Variants in TNR observed in about 807,000 individuals in gnomAD.
TNR encodes the protein tenascin R.
Under a neutral mutation model 150.4 loss-of-function variants are expected in TNR, and 45 were observed. The ratio of observed to expected loss-of-function variants is 0.30; its 90% CI spans 0.24 to 0.38. The LOEUF (loss-of-function observed/expected upper bound fraction) is 0.38, where lower values mean the gene tolerates loss of function less well. Ranked by LOEUF, TNR falls within the 10% of genes least tolerant of loss-of-function variation. The probability of loss-of-function intolerance (pLI) is 1.00; values close to 1 mark genes in which losing one functional copy is unlikely to be tolerated. For missense variants in TNR, 1,544 were observed against 1,759.1 expected (o/e 0.88, Z 2.19); for synonymous variants, 687 against 678.4 (o/e 1.01, Z -0.20).
chr1:175,709,767 G>A (rs927399795), intron 1 of TNR, among the ~76,000 whole-genome samples: 9 of 152,018 alleles, frequency 5.9e-5, no homozygotes, highest in Non-Finnish European at 1.2e-4. Flanking sequence ...CCTCTTCGCA[G>A]CATTTGATCC....
chr1:175,395,553 C>T (rs1653388290), intron 5 of TNR, among the ~76,000 whole-genome samples: 1 of 152,038 alleles, frequency 6.6e-6, no homozygotes, highest in African/African-American at 2.4e-5. Context: ...TAATCAGATA[C>T]AGCCCCTTTT....
At chr1:175,470,935 C>A (rs1259263802) in intron 2 of TNR, among the ~76,000 whole-genome samples, 1 of 152,148 alleles carries the variant, frequency 6.6e-6, no homozygotes, top group East Asian at 1.9e-4. Context: ...AGGTTAATGC[C>A]ACCAAATGTA....
intron 2 of TNR, among the ~76,000 whole-genome samples, chr1:175,445,000 G>A (rs1008764019): frequency 2.0e-5 from 3 of 152,184 alleles, no homozygotes; most frequent in Non-Finnish European, 4.4e-5. Context: ...GCCGGGCGCG[G>A]TGGCTCACAC....
At chr1:175,726,052 T>C (rs569612200) in intron 1 of TNR, among the ~76,000 whole-genome samples, 1 of 152,350 alleles carries the variant, frequency 6.6e-6, no homozygotes, top group South Asian at 2.1e-4. Flanking sequence ...TTCCAGCACG[T>C]CTTTCATAGA....
At chr1:175,650,791 C>CACTAATAA (rs1364621741) in intron 1 of TNR, among the ~76,000 whole-genome samples, 2 of 49,696 alleles carry the variant, frequency 4.0e-5, no homozygotes, top group Non-Finnish European at 8.1e-5. Context: ...TACTCCTCCT[C>CACTAATAA]CCCCATCTCA....
intron 2 of TNR, among the ~76,000 whole-genome samples, chr1:175,493,506 C>T (rs180955130): frequency 2.6e-5 from 4 of 152,232 alleles, no homozygotes; most frequent in African/African-American, 9.6e-5. Flanking sequence ...CTCCGCCCCA[C>T]GCTCACCAGG....
intron 8 of TNR, among the ~76,000 whole-genome samples, chr1:175,383,386 A>T (rs1345645703): frequency 1.3e-5 from 2 of 152,216 alleles, no homozygotes; most frequent in East Asian, 3.9e-4. Context: ...TGCTTGGAAC[A>T]TTGAGGGATC....
intron 1 of TNR, among the ~76,000 whole-genome samples, chr1:175,709,571 G>C (rs905924715): frequency 6.6e-6 from 1 of 152,154 alleles, no homozygotes; most frequent in Non-Finnish European, 1.5e-5. Flanking sequence ...AAACAGAAAA[G>C]TTTGGATCTT....
intron 2 of TNR, among the ~76,000 whole-genome samples, chr1:175,516,844 G>C (rs1557981286): frequency 6.6e-6 from 1 of 152,112 alleles, no homozygotes; most frequent in Non-Finnish European, 1.5e-5. Flanking sequence ...AATTATGCCT[G>C]TTTTCTTTGT....
In TNR at chr1:175,335,424, G is replaced by A. The variant is rs80179780; in HGVS notation, c.3631+287C>T. 8.6e-3 allele frequency: 2,553 copies of A among 296,012 alleles called. 20 individuals are homozygous for A. The highest frequency in any genetic ancestry group is 0.026 in the African/African-American group (1,199 of 46,172). The allele number at this position is 296,012 out of a possible 1,614,324, so 18.3% of individuals were successfully genotyped here. A position where few individuals can be genotyped will look rare whatever the true frequency, so the allele number is the denominator to read the frequency against. On this transcript the variant is annotated intron_variant, in intron 20 of 22. Coordinates refer to ENST00000367674, the MANE Select transcript of TNR (RefSeq NM_003285.3). ...CCTGTTGCTCCCTGTGCCCCTCACC[G>A]ACCAGGCAGCTCACTCCCTTTGTGG...
At chr1:175,357,466 G>T (rs543889229) in intron 15 of TNR, among the ~76,000 whole-genome samples, 1 of 152,298 alleles carries the variant, frequency 6.6e-6, no homozygotes, top group East Asian at 1.9e-4. Context: ...TCAAACTAAT[G>T]CTTAAGCTTT....
chr1:175,444,461 G>A (rs1655942647), intron 2 of TNR, among the ~76,000 whole-genome samples: 1 of 152,194 alleles, frequency 6.6e-6, no homozygotes, highest in African/African-American at 2.4e-5. Context: ...CCACCACTGG[G>A]TTCCTTACTC....
intron 2 of TNR, among the ~76,000 whole-genome samples, chr1:175,501,913 G>C (rs1658753996): frequency 6.6e-6 from 1 of 152,198 alleles, no homozygotes; most frequent in Non-Finnish European, 1.5e-5. Flanking sequence ...AGTCTGGTGT[G>C]GGTACAGACA....
At chr1:175,611,029 C>T (rs1479736659) in intron 1 of TNR, among the ~76,000 whole-genome samples, 1 of 152,222 alleles carries the variant, frequency 6.6e-6, no homozygotes, top group Non-Finnish European at 1.5e-5. Context: ...TGTTGCCTAC[C>T]TTCTACTTTA....
intron 1 of TNR, among the ~76,000 whole-genome samples, chr1:175,639,081 A>G (rs1664572812): frequency 6.6e-6 from 1 of 152,180 alleles, no homozygotes; most frequent in Admixed American, 6.5e-5. Flanking sequence ...CCCTGCTCCA[A>G]GTAACCAGCA....
At chr1:175,587,686 C>T (rs1662628865) in intron 1 of TNR, among the ~76,000 whole-genome samples, 1 of 152,166 alleles carries the variant, frequency 6.6e-6, no homozygotes. Context: ...AAATCAGAGC[C>T]TAGACCCTAC....
chr1:175,730,342 C>T (rs1035789987), intron 1 of TNR, among the ~76,000 whole-genome samples: 1 of 152,150 alleles, frequency 6.6e-6, no homozygotes, highest in Non-Finnish European at 1.5e-5. Flanking sequence ...ATGAGTCACC[C>T]TTCCCTTGAC....
At position 175,682,374 on chromosome 1, in the gene TNR, C is replaced by T. The variant is rs186316264; in HGVS notation, c.-165+60852G>A. Among the ~76,000 whole-genome samples, 679 of 152,268 alleles carry T rather than the reference C, an allele frequency of 4.5e-3. 4 individuals are homozygous for T. The highest frequency in any genetic ancestry group is 7.5e-3 in the Non-Finnish European group (513 of 68,020). On this transcript the variant is annotated intron_variant, in intron 1 of 22. Coordinates refer to ENST00000367674, the MANE Select transcript of TNR (RefSeq NM_003285.3). ...ACGATTCTTGTGTTCTAGGCAGAGA[C>T]GCCGCTCAGAGAGGCGAGTACCTTT... is the stretch of plus-strand genomic sequence containing the variant.
chr1:175,575,152 T>G (rs1352668634), intron 1 of TNR, among the ~76,000 whole-genome samples: 1 of 152,216 alleles, frequency 6.6e-6, no homozygotes, highest in Non-Finnish European at 1.5e-5. Context: ...AAGCTTTATT[T>G]CATTGTCAGT....
Sources: gnomAD v4.1 joint callset for allele counts (sites outside exome capture counted in the v4.1 genomes callset) on GRCh38, gnomAD v4.1.1 for gene constraint, MANE v1.5 for transcripts, NCBI Gene and HGNC (gene_info 2026-07-23, HGNC 2026-07-21) for gene names.